Variants in NDUFB2 observed in about 807,000 individuals in gnomAD.
NDUFB2 encodes the protein NADH:ubiquinone oxidoreductase subunit B2, also known as NADH dehydrogenase [ubiquinone] 1 beta subcomplex subunit 2, mitochondrial.
Under a neutral mutation model 13.4 loss-of-function variants are expected in NDUFB2, and 13 were observed. The observed-to-expected ratio is 0.97, with a 90% confidence interval of 0.63 to 1.54. NDUFB2 has a LOEUF of 1.54. Among genes scored for constraint, NDUFB2 ranks in the 40% most tolerant of loss-of-function variants. The pLI is 0.00. For missense variants in NDUFB2, 150 were observed against 139.7 expected (o/e 1.07, Z -0.37); for synonymous variants, 47 against 50.6 (o/e 0.93, Z 0.30).
intron 2 of NDUFB2, 46 bp from the exon 3 acceptor site, chr7:140,704,814 G>T: frequency 5.7e-6 from 7 of 1,236,012 alleles, no homozygotes; most frequent in Non-Finnish European, 8.0e-6. Flanking sequence ...TAGTTGCACA[G>T]AATGTAAATT....
rs764639143 is a variant in NDUFB2 at position 140,696,837 on chromosome 7, C to A, written c.93C>A (p.Val31=). The change falls in exon 1 of 4, where the codon GTC becomes GTA. Residue 31 remains valine, a synonymous_variant. Transcript: ENST00000247866. The stretch of plus-strand genomic sequence containing the variant: ...CACGGACTGCTGGAGATGGTGGAGT[C>A]CGTCAGTGAGTGTGGGGCTGGGGAT... The part of the protein sequence containing the change: ...GCARTAGDGG[V]RHAGGGVHIE... 1.2e-6 allele frequency: 2 copies of A among 1,605,012 alleles called. No individual in the cohort carries two copies. The highest frequency in any genetic ancestry group is 1.7e-6 in the Non-Finnish European group (2 of 1,176,126).
intron 2 of NDUFB2, 21 bp downstream of exon 2, chr7:140,703,031 C>T: frequency 6.2e-7 from 1 of 1,605,064 alleles, no homozygotes; most frequent in Non-Finnish European, 8.5e-7. Context: ...GAGAAGAGCA[C>T]TTGTCGTTTT....
chr7:140,701,634 T>A (rs1794899177), intron 1 of NDUFB2, among the ~76,000 whole-genome samples: 1 of 151,424 alleles, frequency 6.6e-6, no homozygotes, highest in South Asian at 2.1e-4. Flanking sequence ...AGCCTATCTT[T>A]AAAAAAACAA....
At chr7:140,701,722 C>A in intron 1 of NDUFB2, 1 of 211,220 alleles carries the variant, frequency 4.7e-6, no homozygotes. Flanking sequence ...CACCTAAGGT[C>A]AGGAGTTCGA....
At chr7:140,698,191 A>G in intron 1 of NDUFB2, 1 of 1,352,108 alleles carries the variant, frequency 7.4e-7, no homozygotes, top group South Asian at 1.1e-5. Context: ...TGACTTGGGC[A>G]AAGACAGTGA....
intron 1 of NDUFB2, chr7:140,697,191 C>A: frequency 1.6e-6 from 1 of 611,680 alleles, no homozygotes; most frequent in South Asian, 1.9e-5. Flanking sequence ...CGGGTGTGGA[C>A]GCTCCTGGAG....
chr7:140,701,420 G>C (rs934394839), intron 1 of NDUFB2, among the ~76,000 whole-genome samples: 2 of 152,118 alleles, frequency 1.3e-5, no homozygotes, highest in Admixed American at 6.6e-5. Context: ...AAAACAGTCT[G>C]CCAGCCTGGC....
chr7:140,703,048 G>A, intron 2 of NDUFB2, 38 bp downstream of exon 2: 3 of 1,605,336 alleles, frequency 1.9e-6, no homozygotes, highest in East Asian at 4.5e-5. Context: ...TTTTTTGGGT[G>A]GGGGAGGGAG....
intron 3 of NDUFB2, chr7:140,706,056 A>G (rs4020754): frequency 3.8e-5 from 3 of 79,846 alleles, no homozygotes; most frequent in Non-Finnish European, 5.4e-5. Context: ...ATGTTATGTT[A>G]TGTTTTATGT....
intron 1 of NDUFB2, chr7:140,698,262 C>CGGAA (rs1265360219): frequency 7.4e-7 from 1 of 1,351,458 alleles, no homozygotes. Flanking sequence ...TGCCGATCTT[C>CGGAA]CCTGAGGTGC....
intron 3 of NDUFB2, chr7:140,706,060 T>TATGTTATGTGTTATGTTATG (rs1402496959): frequency 4.0e-5 from 5 of 125,038 alleles, no homozygotes; most frequent in African/African-American, 1.7e-4. Context: ...TATGTTATGT[T>TATGTTATGTGTTATGTTATG]TTATGTTATG....
chr7:140,702,118 A>G (rs1036323953), intron 1 of NDUFB2: 4 of 680,104 alleles, frequency 5.9e-6, no homozygotes, highest in African/African-American at 1.8e-5. Flanking sequence ...TCTAGATGAA[A>G]TTGGTAAACA....
At chr7:140,696,881 T>TA in intron 1 of NDUFB2, 39 bp downstream of exon 1, 1 of 1,553,880 alleles carries the variant, frequency 6.4e-7, no homozygotes, top group Admixed American at 1.9e-5. Flanking sequence ...CGCCGGCCTG[T>TA]AGCGGACAGC....
chr7:140,703,067 A>C, intron 2 of NDUFB2, 57 bp downstream of exon 2: 1 of 1,591,468 alleles, frequency 6.3e-7, no homozygotes, highest in Non-Finnish European at 8.6e-7. Context: ...AGGATGTATT[A>C]ATAGCTTGTT....
chr7:140,698,395 A>G (rs1401738721), intron 1 of NDUFB2: 1 of 1,168,708 alleles, frequency 8.6e-7, no homozygotes, highest in Non-Finnish European at 1.1e-6. Flanking sequence ...AATACGAGAG[A>G]GAATGAAGTG....
chr7:140,702,896 G>T lies in NDUFB2; in HGVS notation c.129G>T (p.Arg43=). 1 of 1,614,078 alleles carries T rather than the reference G, an allele frequency of 6.2e-7. No homozygotes were observed. Among genetic ancestry groups the T allele is most frequent in the South Asian group, 1.1e-5 (1 of 91,068 alleles). ...HAGGGVHIEP[R]YRQFPQLTRS... ...GTGGTGGTGTGCACATTGAGCCCCG[G>T]TATAGACAGTTCCCCCAGCTGACCA... The change falls in exon 2 of 4, where the codon CGG becomes CGT. Residue 43 remains arginine, a synonymous_variant. Transcript: ENST00000247866.
Position 140,696,753 on chromosome 7 carries a change from T to C in NDUFB2, c.9T>C (p.Ala3=). The C allele has an allele frequency of 1.9e-6, 3 of 1,597,504 alleles. No homozygotes were observed. Among genetic ancestry groups the C allele is most frequent in the African/African-American group, 1.3e-5 (1 of 74,614 alleles). The change falls in exon 1 of 4, where the codon GCT becomes GCC. Residue 3 remains alanine (A), a synonymous_variant. Transcript: ENST00000247866. MS[A]LTRLASFARV... is the part of the protein sequence containing the mutation. ...GGCGGACGGGAGCGAGTATGTCCGCTCTGACTCGGCTGGCGTCTTTCGCTC... is the reference window on the plus strand; with the variant it reads ...GGCGGACGGGAGCGAGTATGTCCGCCCTGACTCGGCTGGCGTCTTTCGCTC...
intron 1 of NDUFB2, chr7:140,700,929 C>T (rs1456524600): frequency 1.3e-5 from 2 of 152,042 alleles, no homozygotes; most frequent in Non-Finnish European, 2.9e-5. Context: ...CAGTATGCTA[C>T]GTCATTCAAG....
At chr7:140,696,875 G>A (rs895942639) in intron 1 of NDUFB2, 33 bp downstream of exon 1, 3 of 1,562,536 alleles carry the variant, frequency 1.9e-6, no homozygotes, top group Non-Finnish European at 2.6e-6. Context: ...GGGCCTCGCC[G>A]GCCTGTAGCG....
Sources: gnomAD v4.1 joint callset for allele counts (sites outside exome capture counted in the v4.1 genomes callset) on GRCh38, gnomAD v4.1.1 for gene constraint, MANE v1.5 for transcripts, NCBI Gene and HGNC (gene_info 2026-07-23, HGNC 2026-07-21) for gene names.